Variants in FREM3 observed in about 807,000 individuals in gnomAD.
The protein encoded by FREM3 is FRAS1-related extracellular matrix protein 3.
FREM3 carries 105 observed loss-of-function variants against 129.1 expected under a neutral mutation model. The ratio of observed to expected loss-of-function variants is 0.81; its 90% CI spans 0.69 to 0.96. The LOEUF (loss-of-function observed/expected upper bound fraction) is 0.96. FREM3 is among the 40% of genes least tolerant of loss of function. The pLI, the probability that FREM3 is intolerant of heterozygous loss-of-function variation, is 0.00. For synonymous variants in FREM3, 1,014 were observed against 1,044.9 expected (o/e 0.97, Z 0.57); for missense variants, 2,593 against 2,666.3 (o/e 0.97, Z 0.61).
intron 2 of FREM3, among the ~76,000 whole-genome samples, chr4:143,660,655 A>T (rs950043453): frequency 4.6e-5 from 7 of 152,078 alleles, no homozygotes; most frequent in African/African-American, 1.7e-4. Context: ...ATGGCACTGA[A>T]TCTATAAATT....
At chr4:143,660,585 G>A (rs540204249) in intron 2 of FREM3, among the ~76,000 whole-genome samples, 140 of 152,158 alleles carry the variant, frequency 9.2e-4, no homozygotes, top group African/African-American at 2.3e-3. Context: ...TTGGTTCCAT[G>A]TGAACTTTAA....
chr4:143,670,435 G>A (rs1739946356), intron 2 of FREM3, among the ~76,000 whole-genome samples: 2 of 152,060 alleles, frequency 1.3e-5, no homozygotes, highest in South Asian at 2.1e-4. Flanking sequence ...AGGCACATGT[G>A]TATGTACATG....
At chr4:143,660,878 C>G (rs990782135) in intron 2 of FREM3, among the ~76,000 whole-genome samples, 5 of 152,176 alleles carry the variant, frequency 3.3e-5, no homozygotes, top group African/African-American at 9.6e-5. Flanking sequence ...TGATTTGGCT[C>G]TCTGTTTGTC....
rs554812138 is a variant in FREM3 at position 143,696,125 on chromosome 4, G to A, written c.4551C>T (p.Gly1517=). ...AGGTTCTGAACACAGGGTAGAGTTC[G>A]CCGATCACTTGAAATTCGAAGCTGT... ...KMDSFEFQVI[G]ELYPVFRTFR... is the part of the protein sequence containing the mutation. Residue 1517 remains glycine, a synonymous_variant, in exon 1 of 8, where the codon GGC becomes GGT. Coordinates refer to ENST00000329798, the MANE Select transcript of FREM3 (RefSeq NM_001168235.2). The A allele has an allele frequency of 4.7e-5, 72 of 1,537,352 alleles. No individual in the cohort carries two copies. The highest frequency in any genetic ancestry group is 1.7e-4 in the Middle Eastern group (1 of 6,014).
At chr4:143,588,277 T>C (rs1349314920) in intron 6 of FREM3, among the ~76,000 whole-genome samples, 1 of 152,184 alleles carries the variant, frequency 6.6e-6, no homozygotes, top group Non-Finnish European at 1.5e-5. Context: ...AGTTTTAGGG[T>C]ACATGTGCAC....
At chr4:143,598,851 G>C (rs1016830119) in intron 6 of FREM3, among the ~76,000 whole-genome samples, 1 of 152,164 alleles carries the variant, frequency 6.6e-6, no homozygotes, top group African/African-American at 2.4e-5. Flanking sequence ...AGGAGTAATA[G>C]GTTATACCAT....
chr4:143,663,970 C>G (rs930893518), intron 2 of FREM3, among the ~76,000 whole-genome samples: 1 of 152,092 alleles, frequency 6.6e-6, no homozygotes, highest in Non-Finnish European at 1.5e-5. Context: ...ATTGGTTATT[C>G]TAGTCATACA....
chr4:143,663,007 A>G lies in FREM3; in HGVS notation c.5275+30106T>C, dbSNP rs148375874. On this transcript the variant is annotated intron_variant, in intron 2 of 7. Coordinates refer to ENST00000329798, the MANE Select transcript of FREM3 (RefSeq NM_001168235.2). ...CAGGTGAGATGGGTTTCCTGAATACAGCACACTGATGGGTCTTGACTCTTT... is the reference window on the plus strand; with the variant it reads ...CAGGTGAGATGGGTTTCCTGAATACGGCACACTGATGGGTCTTGACTCTTT... 6.8e-3 allele frequency among the ~76,000 whole-genome samples: 1,035 copies of G among 152,250 alleles called. 18 individuals are homozygous for G. Among genetic ancestry groups the G allele is most frequent in the African/African-American group, 0.024 (992 of 41,556 alleles).
intron 6 of FREM3, 61 bp downstream of exon 6, chr4:143,611,218 T>C (rs1481452732): frequency 3.4e-6 from 5 of 1,486,650 alleles, no homozygotes; most frequent in Non-Finnish European, 3.6e-6. Flanking sequence ...CTTTCAACTG[T>C]TGGAGGAAAG....
At chr4:143,632,401 T>C (rs1345382957) in intron 2 of FREM3, among the ~76,000 whole-genome samples, 1 of 151,946 alleles carries the variant, frequency 6.6e-6, no homozygotes, top group African/African-American at 2.4e-5. Flanking sequence ...TGATAAGAGA[T>C]TGGGGGAAAG....
At chr4:143,628,866 G>A (rs546382986) in intron 2 of FREM3, among the ~76,000 whole-genome samples, 1 of 152,222 alleles carries the variant, frequency 6.6e-6, no homozygotes, top group Admixed American at 6.5e-5. Flanking sequence ...AAAAAAGATT[G>A]GCAGGGTAAA....
In FREM3 at chr4:143,666,078, C is replaced by T. The variant is rs138299790; in HGVS notation, c.5275+27035G>A. On this transcript the variant is annotated intron_variant, in intron 2 of 7. Transcript: ENST00000329798. ...CTTCTTAGTTTCAGGCTTTAAATACCTGCCAGGGTTTTACAAACTTAAATT... is the reference window on the plus strand; with the variant it reads ...CTTCTTAGTTTCAGGCTTTAAATACTTGCCAGGGTTTTACAAACTTAAATT... 1.1e-3 allele frequency among the ~76,000 whole-genome samples: 168 copies of T among 152,074 alleles called. 1 individual carries two copies. The highest frequency in any genetic ancestry group is 3.7e-3 in the African/African-American group (155 of 41,516).
rs1740622178 is a variant in FREM3 at position 143,698,411 on chromosome 4, G to T, written c.2265C>A (p.His755Gln). Residue 755 changes from histidine (H) to glutamine (Q), a missense_variant, in exon 1 of 8, where the codon CAC (histidine) becomes CAA (glutamine). This residue lies in a region of FREM3 where 2,276 missense variants were observed against 2,267.2 expected (regional missense o/e 1.00). Transcript: ENST00000329798. ...LTLPTDTDGN[H>Q]QVRAGEIVLT... ...GCACAATTTCTCCAGCCCGGACTTG[G>T]TGGTTGCCATCTGTGTCAGTCGGGA... 1 of 1,537,828 alleles carries T rather than the reference G, an allele frequency of 6.5e-7. No homozygotes were observed. The highest frequency in any genetic ancestry group is 8.7e-7 in the Non-Finnish European group (1 of 1,147,078).
intron 1 of FREM3, among the ~76,000 whole-genome samples, chr4:143,695,083 C>A (rs930830719): frequency 6.6e-6 from 1 of 152,152 alleles, no homozygotes; most frequent in Non-Finnish European, 1.5e-5. Flanking sequence ...TATCCAAAAT[C>A]TAGATACCAA....
chr4:143,655,549 A>G (rs1739585539), intron 2 of FREM3, among the ~76,000 whole-genome samples: 1 of 152,220 alleles, frequency 6.6e-6, no homozygotes, highest in Non-Finnish European at 1.5e-5. Flanking sequence ...TTTCTAATTG[A>G]TGGTTTTGGT....
intron 4 of FREM3, 39 bp from the exon 5 acceptor site, chr4:143,621,201 A>G (rs1738944003): frequency 6.5e-7 from 1 of 1,532,342 alleles, no homozygotes; most frequent in African/African-American, 1.4e-5. Flanking sequence ...CAAGATTTAG[A>G]TTTGATCGGT....
Position 143,616,547 on chromosome 4 carries a change from G to A in FREM3, c.5779+4490C>T, listed in dbSNP as rs374531663. ...CACACCTGTAATCCCAGCACTTTGG[G>A]AGGCCGAGGCGGACGGATCACGAGG... On this transcript the variant is annotated intron_variant, in intron 5 of 7. Transcript: ENST00000329798. Among the ~76,000 whole-genome samples, 8 of 152,290 alleles carry A rather than the reference G, an allele frequency of 5.3e-5. No individual in the cohort carries two copies. In the East Asian group the frequency reaches 1.2e-3, roughly 22 times the overall value.
Position 143,693,202 on chromosome 4 carries a change from G to A in FREM3, c.5186C>T (p.Ala1729Val). 2.0e-6 allele frequency: 3 copies of A among 1,474,642 alleles called. No homozygotes were observed. Among genetic ancestry groups the A allele is most frequent in the Non-Finnish European group, 1.8e-6 (2 of 1,110,342 alleles). 91.3% of individuals were successfully genotyped at this position (1,474,642 alleles called of 1,614,324 possible). ...GGATATCTTCATCTCATCAATGTCA[G>A]CTAAAAAAAAAGCAACCATCACACA... ...GNQSTRVFTQ[A>V]DIDEMKISYV... The change falls in exon 2 of 8, where the codon GCT (alanine) becomes GTT (valine). Residue 1729 changes from alanine (A) to valine (V), a missense_variant and splice_region_variant. Coordinates refer to ENST00000329798, the MANE Select transcript of FREM3 (RefSeq NM_001168235.2).
In FREM3 at chr4:143,698,364, A is replaced by G; in HGVS notation, c.2312T>C (p.Leu771Pro). The G allele has an allele frequency of 6.5e-7, 1 of 1,537,726 alleles. No individual in the cohort carries two copies. Among genetic ancestry groups the G allele is most frequent in the Non-Finnish European group, 8.7e-7 (1 of 1,147,000 alleles). ...EIVLTDSPDT[L>P]IMHFTQAQVN... Reference sequence around the variant, plus strand: ...CTGGGCTTGGGTAAAGTGCATGATGAGTGTGTCTGGTGAATCAGTGAGCAC... The same window carrying G: ...CTGGGCTTGGGTAAAGTGCATGATGGGTGTGTCTGGTGAATCAGTGAGCAC... Residue 771 changes from leucine (L) to proline (P), a missense_variant, in exon 1 of 8, where the codon CTC becomes CCC. Physicochemically the swap from Leu to Pro is moderately conservative, Grantham distance 98. This residue lies in a region of FREM3 where 2,276 missense variants were observed against 2,267.2 expected (regional missense o/e 1.00). Transcript: ENST00000329798.
Sources: gnomAD v4.1 joint callset for allele counts (sites outside exome capture counted in the v4.1 genomes callset) on GRCh38, gnomAD v4.1.1 for gene constraint, gnomAD v4.1.1 regional missense constraint, MANE v1.5 for transcripts, NCBI Gene and HGNC (gene_info 2026-07-23, HGNC 2026-07-21) for gene names.